FOXN3: variants seen among roughly 807,000 people sequenced by gnomAD.
FOXN3 encodes the protein forkhead box N3, also known as forkhead box protein N3.
A neutral mutation model predicts 38.4 loss-of-function variants in FOXN3; 7 were observed. The observed-to-expected ratio is 0.18, with a 90% CI of 0.10 to 0.34. FOXN3 has a LOEUF of 0.34. Among genes scored for constraint, FOXN3 ranks in the 10% least tolerant of loss-of-function variants. The probability of loss-of-function intolerance (pLI) is 1.00; values close to 1 mark genes in which losing one functional copy is unlikely to be tolerated. For missense variants in FOXN3, 456 were observed against 613.4 expected, an observed-to-expected ratio of 0.74 and a Z score of 2.71; for synonymous variants, 230 against 242.2, an observed-to-expected ratio of 0.95 and a Z score of 0.47.
intron 2 of FOXN3, among the ~76,000 whole-genome samples, chr14:89,358,881 A>G (rs954562418): frequency 3.9e-5 from 6 of 152,232 alleles, no homozygotes; most frequent in Admixed American, 6.5e-5. Flanking sequence ...GGCAAAATAC[A>G]TAACTGCTCT....
At chr14:89,278,616 A>C (rs143018428) in intron 4 of FOXN3, among the ~76,000 whole-genome samples, 63 of 152,256 alleles carry the variant, frequency 4.1e-4, no homozygotes, top group Middle Eastern at 6.8e-3. Flanking sequence ...CATGTGACCA[A>C]ACTGCACCTT....
intron 2 of FOXN3, among the ~76,000 whole-genome samples, chr14:89,360,728 C>A (rs112779904): frequency 9.0e-6 from 1 of 111,410 alleles, no homozygotes; most frequent in Non-Finnish European, 1.9e-5. Context: ...CCTCCACCAC[C>A]ACCACCTCCA....
chr14:89,224,546 T>C (rs1014829177), intron 4 of FOXN3, among the ~76,000 whole-genome samples: 1 of 152,218 alleles, frequency 6.6e-6, no homozygotes, highest in South Asian at 2.1e-4. Flanking sequence ...CCATCTTCAA[T>C]AACAACTTAT....
chr14:89,205,608 A>G (rs28749177), intron 4 of FOXN3, among the ~76,000 whole-genome samples: 5,434 of 152,308 alleles, frequency 0.036, 332 homozygotes, highest in African/African-American at 0.12. Context: ...ATTTGGCTGG[A>G]GGTGGTTGGA....
chr14:89,367,632 T>C (rs1018877827), intron 2 of FOXN3, among the ~76,000 whole-genome samples: 1 of 151,658 alleles, frequency 6.6e-6, no homozygotes, highest in African/African-American at 2.4e-5. Context: ...AGAACGGGGG[T>C]TGGACGCAGG....
chr14:89,374,850 G>A (rs1423783031), intron 2 of FOXN3, among the ~76,000 whole-genome samples: 5 of 151,940 alleles, frequency 3.3e-5, no homozygotes, highest in East Asian at 3.9e-4. Context: ...GGTGGCGCAC[G>A]CCTGTAATCC....
At chr14:89,447,349 C>T (rs551819931) in intron 1 of FOXN3, among the ~76,000 whole-genome samples, 19 of 152,146 alleles carry the variant, frequency 1.2e-4, no homozygotes, top group African/African-American at 4.3e-4. Flanking sequence ...GGAGAGTGAA[C>T]GCCTAGTTTT....
chr14:89,386,588 G>A (rs935526404), intron 2 of FOXN3, among the ~76,000 whole-genome samples: 4 of 152,306 alleles, frequency 2.6e-5, no homozygotes, highest in African/African-American at 9.6e-5. Context: ...CCTAACAAGG[G>A]CTCAATCAAT....
chr14:89,454,483 G>A (rs527845653), intron 1 of FOXN3, among the ~76,000 whole-genome samples: 2 of 152,340 alleles, frequency 1.3e-5, no homozygotes, highest in East Asian at 3.9e-4. Flanking sequence ...AGCCTGAGCT[G>A]ACAAAGACAT....
At chr14:89,513,149 G>GCA (rs1894128003) in intron 1 of FOXN3, among the ~76,000 whole-genome samples, 1 of 24,312 alleles carries the variant, frequency 4.1e-5, no homozygotes, top group Non-Finnish European at 1.3e-4. Context: ...TTCCATCTCA[G>GCA]GAAAAAAAAA....
upstream of FOXN3, chr14:89,417,578 G>A (rs959021262): frequency 6.6e-5 from 22 of 334,830 alleles, no homozygotes; most frequent in African/African-American, 3.9e-4. Flanking sequence ...CCGGCCACAC[G>A]AGCGGGCCGG....
rs141434174 is a variant in FOXN3, at chr14:89,180,664, C to T, written c.851+37G>A. On this transcript the variant is annotated intron_variant, in intron 5 of 5. Transcript: ENST00000557258. The stretch of plus-strand genomic sequence containing the variant: ...TGGACAGAAAGCTGCCCTTCCCACT[C>T]CCCAGGCTGGCTCTGCCCAGCGCAC... 139 of 1,496,508 alleles carry T rather than the reference C, an allele frequency of 9.3e-5. No homozygotes were observed. In the African/African-American group the frequency reaches 1.8e-3, roughly 19 times the overall value. The allele number at this position is 1,496,508 out of a possible 1,614,324, so 92.7% of individuals were successfully genotyped here.
rs1276252355 is a variant in FOXN3, at chr14:89,170,661, C to A, written c.852-7692G>T. On this transcript the variant is annotated intron_variant, in intron 5 of 5. Coordinates refer to ENST00000557258, the MANE Select transcript of FOXN3 (RefSeq NM_005197.4). ...AGAAGCAATAATGTACAGATAAATT[C>A]TCTGACCACAATGTATTCAAATTAA... is the stretch of plus-strand genomic sequence containing the variant. Among the ~76,000 whole-genome samples the A allele has an allele frequency of 2.0e-5, 3 of 152,200 alleles. No individual in the cohort carries two copies. In the East Asian group the frequency reaches 5.8e-4, roughly 29 times the overall value.
intron 2 of FOXN3, among the ~76,000 whole-genome samples, chr14:89,408,406 T>C (rs1170940495): frequency 6.6e-6 from 1 of 151,860 alleles, no homozygotes; most frequent in African/African-American, 2.4e-5. Flanking sequence ...TACAGGAGTA[T>C]GCCATCATGC....
intron 3 of FOXN3, among the ~76,000 whole-genome samples, chr14:89,310,390 C>T (rs1383184358): frequency 6.6e-6 from 1 of 152,168 alleles, no homozygotes; most frequent in Non-Finnish European, 1.5e-5. Context: ...GACCTGCAGC[C>T]AGGAAGTCAC....
chr14:89,283,042 T>C (rs1310626099), intron 3 of FOXN3, among the ~76,000 whole-genome samples: 1 of 152,214 alleles, frequency 6.6e-6, no homozygotes, highest in African/African-American at 2.4e-5. Context: ...TTCTCTTTCC[T>C]GGCCCCTGTT....
At chr14:89,261,452 T>A (rs1422966104) in intron 4 of FOXN3, among the ~76,000 whole-genome samples, 2 of 152,194 alleles carry the variant, frequency 1.3e-5, no homozygotes, top group Non-Finnish European at 2.9e-5. Flanking sequence ...CCATATATAC[T>A]GCAGTTTGGG....
At chr14:89,378,240 G>A (rs1566972318) in intron 2 of FOXN3, among the ~76,000 whole-genome samples, 1 of 152,192 alleles carries the variant, frequency 6.6e-6, no homozygotes, top group Non-Finnish European at 1.5e-5. Context: ...GAGCTCCCAG[G>A]ATAGTACGTG....
chr14:89,613,972 C>T (rs1167102187), intron 1 of FOXN3, among the ~76,000 whole-genome samples: 1 of 152,210 alleles, frequency 6.6e-6, no homozygotes, highest in Non-Finnish European at 1.5e-5. Context: ...GCCTGCCACC[C>T]CTAGAAATCC....
Sources: allele counts gnomAD v4.1 joint callset (sites outside exome capture counted in the v4.1 genomes callset), GRCh38; gene constraint gnomAD v4.1.1; transcripts MANE v1.5; gene names NCBI Gene and HGNC (gene_info 2026-07-23, HGNC 2026-07-21).